Variants in IARS2 observed in about 807,000 individuals in gnomAD.
IARS2 encodes isoleucine--tRNA ligase, mitochondrial.
IARS2 carries 56 observed loss-of-function variants against 126.3 expected under a neutral mutation model. The ratio of observed to expected loss-of-function variants is 0.44; its 90% CI spans 0.36 to 0.55. The LOEUF is 0.55. Among genes scored for constraint, IARS2 ranks in the 20% least tolerant of loss-of-function variants. IARS2 has a pLI of 0.00. For synonymous variants in IARS2, 407 were observed against 441.1 expected (o/e 0.92, Z 0.97); for missense variants, 1,127 against 1,245.9 (o/e 0.90, Z 1.44).
Position 220,107,075 on chromosome 1 carries a change from C to T in IARS2, c.1251C>T (p.Asp417=), listed in dbSNP as rs142831880. The T allele has an allele frequency of 1.7e-5, 27 of 1,609,684 alleles. No individual in the cohort carries two copies. The highest frequency in any genetic ancestry group is 5.0e-5 in the Admixed American group (3 of 59,976). Residue 417 remains aspartate (D), a synonymous_variant, in exon 10 of 23, where the codon GAC becomes GAT. Transcript: ENST00000366922. ...ATACTTTATAGGATTGTCTAGTGGA[C>T]GAAGATGGAGTTTTCACAGATGTTG... ...QHNLPMDCLV[D]EDGVFTDVAG...
At chr1:220,118,879 A>G (rs1656981168) in intron 12 of IARS2, among the ~76,000 whole-genome samples, 1 of 152,180 alleles carries the variant, frequency 6.6e-6, no homozygotes, top group Non-Finnish European at 1.5e-5. Flanking sequence ...TGTCAGCTTT[A>G]AAACATAAAT....
At position 220,102,375 on chromosome 1, in the gene IARS2, C is replaced by T. The variant is rs868785797; in HGVS notation, c.712C>T (p.Arg238Ter). ...YQMYDKGLVY[R>*]SYKPVFWSPS... ...TTGTCTTTTATAGGGCTTGGTTTAT[C>T]GATCTTACAAACCTGTGTTTTGGTC... Residue 238 changes from arginine to a stop codon, truncating the protein, a stop_gained, in exon 5 of 23, where the codon CGA becomes TGA. Transcript: ENST00000366922. LOFTEE classifies it high-confidence loss of function. 1 of 1,613,650 alleles carries T rather than the reference C, an allele frequency of 6.2e-7. No individual in the cohort carries two copies. Among genetic ancestry groups the T allele is most frequent in the Non-Finnish European group, 8.5e-7 (1 of 1,179,904 alleles).
intron 19 of IARS2, among the ~76,000 whole-genome samples, chr1:220,140,852 C>T (rs1450510110): frequency 2.0e-5 from 3 of 151,792 alleles, no homozygotes; most frequent in Non-Finnish European, 2.9e-5. Context: ...GGCGTGGTGG[C>T]GGGTGCCTGT....
intron 14 of IARS2, among the ~76,000 whole-genome samples, chr1:220,131,101 A>C (rs2102835095): frequency 6.6e-6 from 1 of 152,198 alleles, no homozygotes; most frequent in South Asian, 2.1e-4. Context: ...TTTTAGGATG[A>C]ATTTTCCATA....
rs1203818470 is a variant in IARS2, at chr1:220,115,512, A to T, written c.1640+1038A>T. Among the ~76,000 whole-genome samples, 3 of 152,260 alleles carry T rather than the reference A, an allele frequency of 2.0e-5. No individual in the cohort carries two copies. The East Asian group carries it at 5.8e-4, about 29-fold the overall frequency. ...GAGGCAGAGGTTGCAGTGAGCCAAG[A>T]TCGTGCCACTGGACTCCAGCCTGGG... On this transcript the variant is annotated intron_variant, in intron 12 of 22. Transcript: ENST00000366922.
chr1:220,115,366 G>A (rs1656893531), intron 12 of IARS2, among the ~76,000 whole-genome samples: 1 of 150,216 alleles, frequency 6.7e-6, no homozygotes, highest in Admixed American at 6.6e-5. Flanking sequence ...TTCAAGACCA[G>A]CCTGGCCAAG....
chr1:220,124,098 T>C (rs1657105228), intron 12 of IARS2, among the ~76,000 whole-genome samples: 1 of 152,238 alleles, frequency 6.6e-6, no homozygotes, highest in Admixed American at 6.5e-5. Flanking sequence ...AGCCCCCTGC[T>C]GGCAGGATCC....
intron 22 of IARS2, among the ~76,000 whole-genome samples, chr1:220,146,245 G>T (rs951573635): frequency 2.0e-5 from 3 of 152,114 alleles, no homozygotes; most frequent in Non-Finnish European, 2.9e-5. Flanking sequence ...GGCTGGGCAC[G>T]GTGGCTCATG....
chr1:220,107,450 G>A (rs1656704450), intron 10 of IARS2, among the ~76,000 whole-genome samples: 6 of 152,164 alleles, frequency 3.9e-5, no homozygotes, highest in Non-Finnish European at 7.4e-5. Flanking sequence ...GATGTTGACT[G>A]TAAATTACAC....
chr1:220,094,524 G>A, intron 1 of IARS2, 41 bp downstream of exon 1: 2 of 1,493,422 alleles, frequency 1.3e-6, no homozygotes, highest in Non-Finnish European at 1.8e-6. Flanking sequence ...AGAGAGGCCC[G>A]ATCCGGCCGC....
At chr1:220,107,913 T>A (rs775220159) in intron 10 of IARS2, among the ~76,000 whole-genome samples, 23 of 152,156 alleles carry the variant, frequency 1.5e-4, no homozygotes, top group Non-Finnish European at 2.5e-4. Flanking sequence ...TCTTACTTGT[T>A]TTTTCGAGAC....
At chr1:220,145,482 CTG>C in intron 21 of IARS2, 25 bp from the exon 22 acceptor site, 1 of 1,579,162 alleles carries the variant, frequency 6.3e-7, no homozygotes, top group Non-Finnish European at 8.6e-7. Flanking sequence ...TTAACATAAA[CTG>C]TAACTTTCAC....
chr1:220,102,465 G>T (rs762202072), intron 5 of IARS2, 30 bp from the exon 6 acceptor site: 2 of 1,610,262 alleles, frequency 1.2e-6, no homozygotes, highest in South Asian at 2.2e-5. Flanking sequence ...AGGCTTCCAA[G>T]TATTTATGTT....
chr1:220,142,387 A>C (rs1657507740), intron 20 of IARS2, among the ~76,000 whole-genome samples: 1 of 152,158 alleles, frequency 6.6e-6, no homozygotes, highest in Non-Finnish European at 1.5e-5. Context: ...CTGTAGTCCC[A>C]GCTACTTGGG....
intron 15 of IARS2, among the ~76,000 whole-genome samples, chr1:220,135,923 T>C (rs60736051): frequency 0.12 from 18,689 of 151,444 alleles, 1,271 homozygotes; most frequent in South Asian, 0.2. Flanking sequence ...CATTTGTGAC[T>C]AATCTCCACT....
rs1199714339 is a variant in IARS2, at chr1:220,147,474, T to C, written c.2897-19T>C. 1.9e-6 allele frequency: 3 copies of C among 1,611,766 alleles called. No homozygotes were observed. The highest frequency in any genetic ancestry group is 2.7e-5 in the African/African-American group (2 of 74,990). On this transcript the variant is annotated intron_variant, in intron 22 of 22. Transcript: ENST00000366922. ...AGTTGAATGCCTATCAGAAATACTCTTCATGTATTTTTTTATAGGTGGTGA... is the reference window on the plus strand; with the variant it reads ...AGTTGAATGCCTATCAGAAATACTCCTCATGTATTTTTTTATAGGTGGTGA...
rs1657233617 is a variant in IARS2 at position 220,130,332 on chromosome 1, T to A, written c.1837+3489T>A. ...CATTCCACAGGTTGTCTCTTCACTG[T>A]GTTGTTTCCTTTGTGTGCTGCAGCT... On this transcript the variant is annotated intron_variant, in intron 14 of 22. Coordinates refer to ENST00000366922, the MANE Select transcript of IARS2 (RefSeq NM_018060.4). Among the ~76,000 whole-genome samples, 3 of 152,190 alleles carry A rather than the reference T, an allele frequency of 2.0e-5. No homozygotes were observed. In the South Asian group the frequency reaches 6.2e-4, roughly 32 times the overall value.
At chr1:220,125,049 T>A (rs1657125237) in intron 12 of IARS2, among the ~76,000 whole-genome samples, 188 bp from the exon 13 acceptor site, 1 of 152,198 alleles carries the variant, frequency 6.6e-6, no homozygotes, top group African/African-American at 2.4e-5. Context: ...CGGAAACAGA[T>A]GTTTTTTCTT....
At chr1:220,141,781 T>A (rs1338604786) in intron 19 of IARS2, 22 bp from the exon 20 acceptor site, 1 of 1,612,336 alleles carries the variant, frequency 6.2e-7, no homozygotes, top group Non-Finnish European at 8.5e-7. Flanking sequence ...TGTCAACTGC[T>A]GAATAAGTTG....
Sources: allele counts gnomAD v4.1 joint callset (sites outside exome capture counted in the v4.1 genomes callset), GRCh38; gene constraint gnomAD v4.1.1; transcripts MANE v1.5; gene names NCBI Gene and HGNC (gene_info 2026-07-23, HGNC 2026-07-21).